The following MAPK10 variants were observed in gnomAD, a reference collection of about 807,000 sequenced individuals.
The protein encoded by MAPK10 is JNK3 alpha protein kinase.
MAPK10 carries 25 observed loss-of-function variants against 59.3 expected under a neutral mutation model. The ratio of observed to expected loss-of-function variants is 0.42; its 90% CI spans 0.31 to 0.59. The LOEUF is 0.59. Ranked by LOEUF, MAPK10 falls within the 20% of genes least tolerant of loss-of-function variation. The pLI is 0.15. For missense variants in MAPK10, 351 were observed against 568.9 expected (o/e 0.62, Z 3.90); for synonymous variants, 190 against 200.5 (o/e 0.95, Z 0.44).
At chr4:86,416,784 C>A (rs772000696) in intron 1 of MAPK10, among the ~76,000 whole-genome samples, 4 of 152,204 alleles carry the variant, frequency 2.6e-5, no homozygotes, top group Non-Finnish European at 5.9e-5. Context: ...CAGACACATT[C>A]TTCTTAAGAA....
At chr4:86,166,298 C>A (rs1054569183) in intron 3 of MAPK10, among the ~76,000 whole-genome samples, 1 of 152,156 alleles carries the variant, frequency 6.6e-6, no homozygotes, top group Non-Finnish European at 1.5e-5. Flanking sequence ...TGGGCAAGTT[C>A]TTTATAATAT....
At chr4:86,184,519 T>C (rs1343612559) in intron 3 of MAPK10, among the ~76,000 whole-genome samples, 1 of 152,152 alleles carries the variant, frequency 6.6e-6, no homozygotes, top group Non-Finnish European at 1.5e-5. Flanking sequence ...ATGGTTTGGA[T>C]ATTTGTCCCC....
chr4:86,323,504 T>C (rs1329960412), intron 2 of MAPK10, among the ~76,000 whole-genome samples: 3 of 152,182 alleles, frequency 2.0e-5, no homozygotes, highest in African/African-American at 7.2e-5. Flanking sequence ...TCCAAGATCA[T>C]ATAAAAAGCA....
chr4:86,522,564 C>A (rs1757191671), intron 1 of MAPK10, among the ~76,000 whole-genome samples: 1 of 151,144 alleles, frequency 6.6e-6, no homozygotes, highest in African/African-American at 2.4e-5. Context: ...AACATTTAAA[C>A]TTAAAAAAAA....
chr4:86,232,455 G>C (rs1399925018), intron 2 of MAPK10, among the ~76,000 whole-genome samples: 3 of 151,104 alleles, frequency 2.0e-5, no homozygotes, highest in African/African-American at 7.3e-5. Flanking sequence ...CTCACTGCAA[G>C]CTCCGCCTCC....
chr4:86,036,573 A>G (rs1327567074), intron 11 of MAPK10, among the ~76,000 whole-genome samples: 1 of 152,212 alleles, frequency 6.6e-6, no homozygotes, highest in Non-Finnish European at 1.5e-5. Context: ...TAAAAAATAT[A>G]TCATGAAGTC....
chr4:86,011,752 A>T lies in MAPK10; in HGVS notation c.*5476T>A, dbSNP rs1741447207. 1 of 152,232 alleles carries T rather than the reference A, an allele frequency of 6.6e-6. No individual in the cohort carries two copies. Among genetic ancestry groups the T allele is most frequent in the Non-Finnish European group, 1.5e-5 (1 of 68,040 alleles). 9.4% of individuals were successfully genotyped at this position (152,232 alleles called of 1,614,324 possible). A position where few individuals can be genotyped will look rare whatever the true frequency, so the allele number is the denominator to read the frequency against. Reference sequence around the variant, plus strand: ...AAAAAGCTGTTGCTTTCTATATTCCAACAGGAACTAGGTAAAACGATAAAT... The same window carrying T: ...AAAAAGCTGTTGCTTTCTATATTCCTACAGGAACTAGGTAAAACGATAAAT... On this transcript the variant is annotated 3_prime_UTR_variant, in exon 14 of 14. Coordinates refer to ENST00000641462, the MANE Select transcript of MAPK10 (RefSeq NM_138982.4).
rs532551438 is a variant in MAPK10, at chr4:86,469,237, GTTTT to G, written c.-262-114597_-262-114594del. Among the ~76,000 whole-genome samples, 43 of 152,134 alleles carry G rather than the reference GTTTT, an allele frequency of 2.8e-4. No individual in the cohort carries two copies. In the South Asian group the frequency reaches 3.7e-3, roughly 13 times the overall value. The stretch of plus-strand genomic sequence containing the variant: ...CACTCCAGCCTGGGTGACAAAGCAA[GTTTT>G]TTGTCTCAAAAAAACAAAACAAAAC... On this transcript the variant is annotated intron_variant, in intron 1 of 4. Coordinates refer to the MAPK10 transcript ENST00000502302.
At chr4:86,427,063 C>A (rs566537204) in intron 1 of MAPK10, among the ~76,000 whole-genome samples, 22 of 151,984 alleles carry the variant, frequency 1.4e-4, no homozygotes, top group Middle Eastern at 3.4e-3. Flanking sequence ...CGAGACCATC[C>A]TGGTTAACGC....
chr4:86,433,106 TG>T (rs1748255890), intron 1 of MAPK10, among the ~76,000 whole-genome samples: 1 of 152,182 alleles, frequency 6.6e-6, no homozygotes, highest in Admixed American at 6.5e-5. Context: ...GCCAGAATTC[TG>T]GAGAAACCAC....
chr4:86,425,297 T>C (rs757018967), intron 1 of MAPK10, among the ~76,000 whole-genome samples: 2 of 152,226 alleles, frequency 1.3e-5, no homozygotes, highest in Non-Finnish European at 2.9e-5. Context: ...ACCAACATTA[T>C]TTCTAATCAT....
intron 4 of MAPK10, among the ~76,000 whole-genome samples, chr4:86,121,950 C>T (rs994831738): frequency 6.6e-6 from 1 of 152,100 alleles, no homozygotes; most frequent in Admixed American, 6.6e-5. Context: ...TCAACATAAG[C>T]TCCATCAAGT....
intron 1 of MAPK10, among the ~76,000 whole-genome samples, chr4:86,518,243 G>A (rs1233666655): frequency 6.6e-6 from 1 of 152,288 alleles, no homozygotes; most frequent in East Asian, 1.9e-4. Context: ...GGCTTGCCTC[G>A]AAATCCTGGC....
At chr4:86,190,709 T>A (rs906130822) in intron 3 of MAPK10, among the ~76,000 whole-genome samples, 33 of 152,156 alleles carry the variant, frequency 2.2e-4, no homozygotes, top group African/African-American at 7.7e-4. Context: ...TCCTGGATTC[T>A]GTGATTTTTT....
At chr4:86,189,214 C>T (rs1437884012) in intron 3 of MAPK10, among the ~76,000 whole-genome samples, 1 of 152,068 alleles carries the variant, frequency 6.6e-6, no homozygotes, top group Non-Finnish European at 1.5e-5. Flanking sequence ...TTAGGATTGT[C>T]TTGGCTTTAT....
chr4:86,115,107 A>G (rs1362260380), intron 4 of MAPK10, among the ~76,000 whole-genome samples: 1 of 152,240 alleles, frequency 6.6e-6, no homozygotes, highest in Non-Finnish European at 1.5e-5. Flanking sequence ...GGCATTGTCC[A>G]GCCTGCTGCT....
At chr4:86,213,011 C>T (rs2149357149) in intron 2 of MAPK10, among the ~76,000 whole-genome samples, 1 of 152,130 alleles carries the variant, frequency 6.6e-6, no homozygotes, top group South Asian at 2.1e-4. Context: ...TCTCTGGTCA[C>T]AACAGTATGA....
chr4:86,177,491 T>C (rs2075946232), intron 3 of MAPK10, among the ~76,000 whole-genome samples: 1 of 152,130 alleles, frequency 6.6e-6, no homozygotes, highest in Non-Finnish European at 1.5e-5. Context: ...AGAAACATCA[T>C]AGACCCATCA....
intron 9 of MAPK10, among the ~76,000 whole-genome samples, chr4:86,093,110 A>G (rs1000241829): frequency 6.6e-6 from 1 of 152,048 alleles, no homozygotes; most frequent in African/African-American, 2.4e-5. Context: ...ATACAATGTA[A>G]GCCCTGGAAG....
Sources: allele counts gnomAD v4.1 joint callset (sites outside exome capture counted in the v4.1 genomes callset), GRCh38; gene constraint gnomAD v4.1.1; transcripts MANE v1.5; gene names NCBI Gene and HGNC (gene_info 2026-07-23, HGNC 2026-07-21).